FRAS1: variants seen among roughly 807,000 people sequenced by gnomAD.
FRAS1 encodes Fraser extracellular matrix complex subunit 1, also known as extracellular matrix organizing protein FRAS1.
In FRAS1, 290 loss-of-function variants were observed where a neutral mutation model predicts 435.2. The observed-to-expected ratio is 0.67, with a 90% CI of 0.61 to 0.73. The LOEUF (loss-of-function observed/expected upper bound fraction) is 0.73. Ranked by LOEUF, FRAS1 falls within the 30% of genes least tolerant of loss-of-function variation. The pLI is 0.00. For missense variants in FRAS1, 4,860 were observed against 5,001.5 expected, an observed-to-expected ratio of 0.97 and a Z score of 0.85; for synonymous variants, 1,800 against 1,851.0, an observed-to-expected ratio of 0.97 and a Z score of 0.71.
intron 56 of FRAS1, among the ~76,000 whole-genome samples, chr4:78,480,949 T>C (rs1352419534): frequency 2.0e-5 from 3 of 152,194 alleles, no homozygotes; most frequent in Non-Finnish European, 4.4e-5. Flanking sequence ...GAGAACATTA[T>C]ATAAAAGAGC....
At chr4:78,175,151 C>T (rs1260246232) in intron 2 of FRAS1, among the ~76,000 whole-genome samples, 2 of 152,230 alleles carry the variant, frequency 1.3e-5, no homozygotes, top group Non-Finnish European at 2.9e-5. Flanking sequence ...GGCTTCTTAT[C>T]CCATCGCCTG....
intron 54 of FRAS1, among the ~76,000 whole-genome samples, chr4:78,476,383 GACTTAAATAGTCA>G (rs1201251832): frequency 4.0e-5 from 6 of 151,764 alleles, no homozygotes; most frequent in Middle Eastern, 3.4e-3. Context: ...GAGAAAGGAG[GACTTAAATAGTCA>G]ACTTAAATAG....
chr4:78,118,365 A>T (rs1281038205), intron 2 of FRAS1, among the ~76,000 whole-genome samples: 2 of 152,146 alleles, frequency 1.3e-5, no homozygotes, highest in Non-Finnish European at 2.9e-5. Flanking sequence ...GCTGTCAGAC[A>T]GGGACATTTA....
chr4:78,519,514 G>A (rs531191269), intron 67 of FRAS1, 33 bp downstream of exon 67: 8 of 1,595,044 alleles, frequency 5.0e-6, no homozygotes, highest in Non-Finnish European at 6.8e-6. Context: ...TATCCCTTTA[G>A]TTAGGGCTTC....
At chr4:78,075,013 A>C (rs1485730929) in intron 2 of FRAS1, among the ~76,000 whole-genome samples, 2 of 152,148 alleles carry the variant, frequency 1.3e-5, no homozygotes, top group Non-Finnish European at 2.9e-5. Flanking sequence ...CCGGTTTCGT[A>C]TGCTCTTGGT....
At chr4:78,171,638 G>A (rs1173286856) in intron 2 of FRAS1, among the ~76,000 whole-genome samples, 1 of 152,142 alleles carries the variant, frequency 6.6e-6, no homozygotes, top group African/African-American at 2.4e-5. Flanking sequence ...CATGGCTGGG[G>A]CCGCCACCAT....
rs912185538 is a variant in FRAS1, at chr4:78,372,754, T to C, written c.2906T>C (p.Leu969Pro). ...AGCTGCAGTGCATGCAGTGGGCCCC[T>C]GAAAACAGACTGCCTGCAGTGCATG... ...DWSCSACSGPLKTDCLQCMDG... is the reference protein window; with the variant it reads ...DWSCSACSGPPKTDCLQCMDG... The change falls in exon 24 of 74, where the codon CTG becomes CCG. Residue 969 changes from leucine (L) to proline (P), a missense_variant. Physicochemically the swap from Leu to Pro is moderately conservative, Grantham distance 98 (BLOSUM62 -3). Transcript: ENST00000512123. The C allele has an allele frequency of 1.2e-6, 2 of 1,613,020 alleles. No individual in the cohort carries two copies. The highest frequency in any genetic ancestry group is 2.7e-5 in the African/African-American group (2 of 75,026).
At chr4:78,462,034 A>C (rs1719381828) in intron 47 of FRAS1, among the ~76,000 whole-genome samples, 1 of 152,136 alleles carries the variant, frequency 6.6e-6, no homozygotes, top group Admixed American at 6.6e-5. Context: ...CACTATTTTG[A>C]ATGAGGTGAT....
At chr4:78,069,786 G>GT (rs5859604) in intron 2 of FRAS1, among the ~76,000 whole-genome samples, 36 of 147,090 alleles carry the variant, frequency 2.4e-4, no homozygotes, top group African/African-American at 8.4e-4. Flanking sequence ...CCAGGAAATA[G>GT]TTTTTTTTTT....
chr4:78,519,972 T>G (rs1035339898), intron 67 of FRAS1, among the ~76,000 whole-genome samples: 1 of 152,210 alleles, frequency 6.6e-6, no homozygotes, highest in African/African-American at 2.4e-5. Flanking sequence ...AAGAAGGGAT[T>G]TTAACCTTCC....
chr4:78,085,176 T>A (rs1741086072), intron 2 of FRAS1, among the ~76,000 whole-genome samples: 1 of 152,148 alleles, frequency 6.6e-6, no homozygotes, highest in African/African-American at 2.4e-5. Flanking sequence ...GAAATGATTC[T>A]TTTCTATGTG....
chr4:78,271,706 G>A (rs1300647089), intron 9 of FRAS1, among the ~76,000 whole-genome samples: 1 of 151,938 alleles, frequency 6.6e-6, no homozygotes, highest in Non-Finnish European at 1.5e-5. Context: ...TCTTAATCCA[G>A]TCTATCATTG....
At chr4:78,096,612 C>A (rs1741821243) in intron 2 of FRAS1, among the ~76,000 whole-genome samples, 1 of 152,256 alleles carries the variant, frequency 6.6e-6, no homozygotes, top group African/African-American at 2.4e-5. Flanking sequence ...AGGCTCAAAA[C>A]CATGTGAAAG....
intron 2 of FRAS1, among the ~76,000 whole-genome samples, chr4:78,087,434 G>A (rs1407543444): frequency 6.6e-6 from 1 of 152,142 alleles, no homozygotes; most frequent in Non-Finnish European, 1.5e-5. Context: ...GGGCAATCTG[G>A]CAGGAGAAGG....
rs147705091 is a variant in FRAS1 at position 78,436,183 on chromosome 4, T to C, written c.5218-2387T>C. On this transcript the variant is annotated intron_variant, in intron 38 of 73. Coordinates refer to ENST00000512123, the MANE Select transcript of FRAS1 (RefSeq NM_025074.7). ...CTGCAGATCAAGAAGAAAAAGATAA[T>C]CAAGTAGAAAAATAAGCAAGAGACA... 1.3e-4 allele frequency among the ~76,000 whole-genome samples: 19 copies of C among 151,690 alleles called. No individual in the cohort carries two copies. In the East Asian group the frequency reaches 3.3e-3, roughly 26 times the overall value.
chr4:78,535,088 T>C (rs936974524), intron 71 of FRAS1, among the ~76,000 whole-genome samples: 1 of 152,172 alleles, frequency 6.6e-6, no homozygotes, highest in Non-Finnish European at 1.5e-5. Context: ...TGACACCAAA[T>C]TGATGTATTC....
intron 47 of FRAS1, among the ~76,000 whole-genome samples, chr4:78,453,065 G>A (rs1719075891): frequency 1.3e-5 from 2 of 152,182 alleles, no homozygotes; most frequent in Admixed American, 1.3e-4. Context: ...TTTAACTGAA[G>A]CACATATTCT....
intron 2 of FRAS1, among the ~76,000 whole-genome samples, chr4:78,175,559 G>C (rs4558894): frequency 0.43 from 65,864 of 152,010 alleles, 16,472 homozygotes; most frequent in East Asian, 0.68. Context: ...GCATTGTATA[G>C]GGAAACCACA....
intron 2 of FRAS1, among the ~76,000 whole-genome samples, chr4:78,112,624 C>A (rs943108020): frequency 6.6e-6 from 1 of 151,970 alleles, no homozygotes; most frequent in Non-Finnish European, 1.5e-5. Flanking sequence ...TCTTGCCAAA[C>A]GGATTTTGTA....
Sources: allele counts gnomAD v4.1 joint callset (sites outside exome capture counted in the v4.1 genomes callset), GRCh38; gene constraint gnomAD v4.1.1; transcripts MANE v1.5; gene names NCBI Gene and HGNC (gene_info 2026-07-23, HGNC 2026-07-21).